Variants in CCDC144A observed in about 807,000 individuals in gnomAD.
CCDC144A encodes coiled-coil domain containing 144A.
A neutral mutation model predicts 143.8 loss-of-function variants in CCDC144A; 41 were observed. The ratio of observed to expected loss-of-function variants is 0.29; its 90% confidence interval spans 0.22 to 0.37. The LOEUF (loss-of-function observed/expected upper bound fraction) is 0.37, where lower values mean the gene tolerates loss of function less well. CCDC144A is among the 10% of genes least tolerant of loss of function. The pLI is 1.00. For synonymous variants in CCDC144A, 242 were observed against 517.9 expected, an observed-to-expected ratio of 0.47 and a Z score of 7.23; for missense variants, 637 against 1,488.8, an observed-to-expected ratio of 0.43 and a Z score of 9.41.
chr17:16,759,923 G>C (rs1382059544), intron 12 of CCDC144A, among the ~76,000 whole-genome samples: 13 of 152,110 alleles, frequency 8.5e-5, no homozygotes, highest in Admixed American at 8.5e-4. Flanking sequence ...TTCTTTACTT[G>C]GCATCAGCTG....
At chr17:16,763,430 ATC>A (rs1915465014) in intron 14 of CCDC144A, among the ~76,000 whole-genome samples, 1 of 149,684 alleles carries the variant, frequency 6.7e-6, no homozygotes, top group East Asian at 2.0e-4. Context: ...TTTTTAGACA[ATC>A]TCTAACAACA....
At chr17:16,755,769 C>T (rs1008121482) in intron 12 of CCDC144A, among the ~76,000 whole-genome samples, 1 of 152,196 alleles carries the variant, frequency 6.6e-6, no homozygotes, top group Admixed American at 6.5e-5. Context: ...CCAAATTGCC[C>T]AGGCTGGTCT....
At chr17:16,705,505 T>A (rs1224146028) in intron 3 of CCDC144A, 106 bp downstream of exon 3, 12 of 726,400 alleles carry the variant, frequency 1.7e-5, no homozygotes, top group Non-Finnish European at 2.5e-5. Flanking sequence ...GTGCTTTGTG[T>A]TTACTCACCT....
intron 12 of CCDC144A, among the ~76,000 whole-genome samples, chr17:16,737,189 C>T (rs1914052930): frequency 1.9e-5 from 2 of 104,404 alleles, no homozygotes; most frequent in Admixed American, 1.3e-4. Flanking sequence ...TTTTTTGAGA[C>T]GGAGTCTCGC....
chr17:16,723,298 A>G (rs1313670861), intron 8 of CCDC144A, among the ~76,000 whole-genome samples: 1 of 151,982 alleles, frequency 6.6e-6, no homozygotes, highest in Non-Finnish European at 1.5e-5. Flanking sequence ...ACCTTATTAT[A>G]TTTCTATTCT....
the CCDC144A span, among the ~76,000 whole-genome samples, chr17:16,678,237 G>T: frequency 6.6e-6 from 1 of 151,944 alleles, no homozygotes; most frequent in Non-Finnish European, 1.5e-5. Flanking sequence ...GCAGCCATCC[G>T]ACTTAGGGGC....
chr17:16,729,866 AAAT>A (rs1913637293), intron 9 of CCDC144A, among the ~76,000 whole-genome samples: 1 of 141,998 alleles, frequency 7.0e-6, no homozygotes. Context: ...CAAAAAAAAA[AAAT>A]ATATATATAT....
At chr17:16,706,127 G>A (rs1249053307) in intron 3 of CCDC144A, 2 of 151,416 alleles carry the variant, frequency 1.3e-5, no homozygotes, top group Non-Finnish European at 2.9e-5. Context: ...CAAATATTAA[G>A]TGACTTCCTA....
At chr17:16,720,846 G>A (rs1490558189) in intron 8 of CCDC144A, among the ~76,000 whole-genome samples, 188 bp downstream of exon 8, 2 of 152,100 alleles carry the variant, frequency 1.3e-5, no homozygotes, top group Admixed American at 6.6e-5. Flanking sequence ...CAGTGTGAGT[G>A]GCATTCCCAG....
intron 5 of CCDC144A, chr17:16,710,364 C>CT (rs1912332431): frequency 7.6e-6 from 1 of 131,336 alleles, no homozygotes; most frequent in Non-Finnish European, 1.6e-5. Flanking sequence ...TCATCTCTTA[C>CT]TAAAAAAAAA....
At chr17:16,728,327 G>A (rs2621573) in intron 9 of CCDC144A, among the ~76,000 whole-genome samples, 6 of 152,120 alleles carry the variant, frequency 3.9e-5, no homozygotes, top group East Asian at 3.9e-4. Flanking sequence ...GACATGAGCC[G>A]TCATGCCCAG....
In CCDC144A at chr17:16,705,958, T is replaced by C. The variant is rs1827675; in HGVS notation, c.664+559T>C. 860 of 156,536 alleles carry C rather than the reference T, an allele frequency of 5.5e-3. 14 individuals are homozygous for C. The highest frequency in any genetic ancestry group is 0.02 in the African/African-American group (814 of 41,012). 9.7% of individuals were successfully genotyped at this position (156,536 alleles called of 1,614,324 possible). ...ACTAGCTGGGCATGGTGGTGAACGC[T>C]TGTAGTCCCAGCTACTCAGGAGGCT... On this transcript the variant is annotated intron_variant, in intron 3 of 16. Transcript: ENST00000399273.
Position 16,690,396 on chromosome 17 carries a change from T to C in CCDC144A, c.-5T>C. On this transcript the variant is annotated 5_prime_UTR_variant, in exon 1 of 17. Coordinates refer to ENST00000399273, the MANE Select transcript of CCDC144A (RefSeq NM_001382000.1). ...GGTTGTGGCCGAGGCAGTAGCTCGC[T>C]ACTGATGGCCTCCTGGGGTGGAGAA... 2.6e-6 allele frequency: 4 copies of C among 1,538,466 alleles called. No individual in the cohort carries two copies. The highest frequency in any genetic ancestry group is 3.5e-6 in the Non-Finnish European group (4 of 1,142,908).
chr17:16,736,414 A>G (rs541467809), intron 12 of CCDC144A, among the ~76,000 whole-genome samples: 1 of 152,206 alleles, frequency 6.6e-6, no homozygotes, highest in East Asian at 1.9e-4. Flanking sequence ...GCCCAGCCTA[A>G]AGGCATTTAC....
At chr17:16,694,707 G>C (rs1322880485) in intron 2 of CCDC144A, among the ~76,000 whole-genome samples, 1 of 151,812 alleles carries the variant, frequency 6.6e-6, no homozygotes, top group Non-Finnish European at 1.5e-5. Context: ...GAGAAGAACA[G>C]GTCATGTTAC....
intron 9 of CCDC144A, among the ~76,000 whole-genome samples, chr17:16,729,991 T>TATAC (rs1491438660): frequency 5.2e-5 from 6 of 114,894 alleles, no homozygotes; most frequent in East Asian, 4.8e-4. Context: ...TATATATATA[T>TATAC]ACACACATAC....
At chr17:16,731,097 T>A (rs1326588137) in intron 9 of CCDC144A, 2 of 152,098 alleles carry the variant, frequency 1.3e-5, no homozygotes, top group African/African-American at 4.8e-5. Context: ...TCCAAATTCA[T>A]TGTTGAAACA....
At chr17:16,715,360 T>C (rs1912689918) in intron 6 of CCDC144A, among the ~76,000 whole-genome samples, 1 of 151,830 alleles carries the variant, frequency 6.6e-6, no homozygotes, top group South Asian at 2.1e-4. Context: ...GGGTTCATTC[T>C]AACACTTTTG....
In CCDC144A at chr17:16,733,396, G is replaced by A. The variant is rs530382746; in HGVS notation, c.2418+730G>A. On this transcript the variant is annotated intron_variant, in intron 11 of 16. Coordinates refer to ENST00000399273, the MANE Select transcript of CCDC144A (RefSeq NM_001382000.1). ...CGGGAACCTGTAGTCCCAGCTACTC[G>A]GGAGGCTGAGGCAGGAGAATGGCGT... is the stretch of plus-strand genomic sequence containing the variant. Among the ~76,000 whole-genome samples, 56 of 148,620 alleles carry A rather than the reference G, an allele frequency of 3.8e-4. No individual in the cohort carries two copies. The South Asian group carries it at 8.1e-3, about 21-fold the overall frequency.
Sources: gnomAD v4.1 joint callset for allele counts (sites outside exome capture counted in the v4.1 genomes callset) on GRCh38, gnomAD v4.1.1 for gene constraint, MANE v1.5 for transcripts, NCBI Gene and HGNC (gene_info 2026-07-23, HGNC 2026-07-21) for gene names.